Variants in HDAC4 observed in about 807,000 individuals in gnomAD.
HDAC4 encodes histone deacetylase 4, also known as histone deacetylase A.
Under a neutral mutation model 135.1 loss-of-function variants are expected in HDAC4, and 16 were observed. The observed-to-expected ratio is 0.12, with a 90% CI of 0.08 to 0.18. The LOEUF (loss-of-function observed/expected upper bound fraction) is 0.18. Among genes scored for constraint, HDAC4 ranks in the 10% least tolerant of loss-of-function variants. The probability of loss-of-function intolerance (pLI) is 1.00; values close to 1 mark genes in which losing one functional copy is unlikely to be tolerated. For missense variants in HDAC4, 1,143 were observed against 1,511.8 expected (o/e 0.76, Z 4.05); for synonymous variants, 685 against 653.4 (o/e 1.05, Z -0.74).
intron 4 of HDAC4, among the ~76,000 whole-genome samples, chr2:239,185,491 C>T (rs924360430): frequency 5.9e-5 from 9 of 151,666 alleles, no homozygotes; most frequent in Non-Finnish European, 1.2e-4. Flanking sequence ...GCAGGGGGTG[C>T]CCCGTGTTTC....
At chr2:239,113,259 C>A (rs1289083820) in intron 13 of HDAC4, among the ~76,000 whole-genome samples, 2 of 151,388 alleles carry the variant, frequency 1.3e-5, no homozygotes, top group African/African-American at 4.8e-5. Flanking sequence ...CACACACACA[C>A]ACACAAAAGG....
At position 239,369,374 on chromosome 2, in the gene HDAC4, G is replaced by A. The variant is rs1016454194; in HGVS notation, c.-219-16456C>T. Among the ~76,000 whole-genome samples, 37 of 152,096 alleles carry A rather than the reference G, an allele frequency of 2.4e-4. 1 individual carries two copies. The highest frequency in any genetic ancestry group is 8.0e-4 in the African/African-American group (33 of 41,422). On this transcript the variant is annotated intron_variant, in intron 1 of 26. Transcript: ENST00000543185. ...CTGCCCGGCGGGGGGTGGGCAGCCCGGGAGCCACAGGGCTCCCCAGAGACA... is the reference window on the plus strand; with the variant it reads ...CTGCCCGGCGGGGGGTGGGCAGCCCAGGAGCCACAGGGCTCCCCAGAGACA...
At chr2:239,261,847 AC>A (rs999330040) in intron 2 of HDAC4, among the ~76,000 whole-genome samples, 5 of 151,688 alleles carry the variant, frequency 3.3e-5, no homozygotes, top group African/African-American at 1.2e-4. Flanking sequence ...CGGCAGGGAC[AC>A]CCCCCACCCG....
In HDAC4 at chr2:239,303,423, T is replaced by C. The variant is rs2052384882; in HGVS notation, c.22+49255A>G. ...TTCTGCAGTCGCCACCGAGCACTCGTGGTGTGGCCCACAGGGCATCCTGCG... is the reference window on the plus strand; with the variant it reads ...TTCTGCAGTCGCCACCGAGCACTCGCGGTGTGGCCCACAGGGCATCCTGCG... On this transcript the variant is annotated intron_variant, in intron 2 of 26. Transcript: ENST00000543185. The surrounding 1 kb of genome is among the most constrained non-coding windows in gnomAD (Gnocchi z 5.1). Among the ~76,000 whole-genome samples, 1 of 152,088 alleles carries C rather than the reference T, an allele frequency of 6.6e-6. No individual in the cohort carries two copies. Among genetic ancestry groups the C allele is most frequent in the Admixed American group, 6.5e-5 (1 of 15,278 alleles).
In HDAC4 at chr2:239,240,298, T is replaced by G. The variant is rs6761340; in HGVS notation, c.23-3634A>C. On this transcript the variant is annotated intron_variant, in intron 2 of 26. Transcript: ENST00000543185. This position sits in a 1 kb window ranked among gnomAD's most constrained non-coding sequence, Gnocchi z 4.5. Reference sequence around the variant, plus strand: ...CCAGGGTGAAATAGACAAGCTGCGGTACACAGCCAGCTGGAACGCATGACG... The same window carrying G: ...CCAGGGTGAAATAGACAAGCTGCGGGACACAGCCAGCTGGAACGCATGACG... Among the ~76,000 whole-genome samples the G allele has an allele frequency of 0.34, 52,129 of 152,146 alleles. 10,733 individuals are homozygous for G. Among genetic ancestry groups the G allele is most frequent in the African/African-American group, 0.55 (23,004 of 41,500 alleles).
intron 1 of HDAC4, among the ~76,000 whole-genome samples, chr2:239,369,814 C>T (rs983133776): frequency 3.9e-5 from 6 of 152,108 alleles, no homozygotes; most frequent in Admixed American, 2.6e-4. Context: ...TAGAAAACAA[C>T]GGAAATGAAG....
At chr2:239,179,127 G>A (rs537310486) in intron 4 of HDAC4, among the ~76,000 whole-genome samples, 4 of 152,134 alleles carry the variant, frequency 2.6e-5, no homozygotes, top group South Asian at 4.1e-4. Context: ...GCCACCGGAC[G>A]CCTGAGGCAT....
chr2:239,214,919 C>T (rs571139483), intron 3 of HDAC4, among the ~76,000 whole-genome samples: 1 of 152,226 alleles, frequency 6.6e-6, no homozygotes, highest in Non-Finnish European at 1.5e-5. Context: ...TAGGAGAGGC[C>T]GCGGGAGAAG....
At chr2:239,274,790 C>T (rs1039647699) in intron 2 of HDAC4, among the ~76,000 whole-genome samples, 6 of 152,184 alleles carry the variant, frequency 3.9e-5, no homozygotes, top group African/African-American at 1.2e-4. Flanking sequence ...GCTCAGAAGT[C>T]CCAGGTGGAT....
chr2:239,371,678 CGT>C (rs766326333), intron 1 of HDAC4, among the ~76,000 whole-genome samples: 12 of 152,172 alleles, frequency 7.9e-5, no homozygotes, highest in Admixed American at 1.3e-4. Context: ...CACACACACA[CGT>C]GTGTGGCAAC....
In HDAC4 at chr2:239,151,988, G is replaced by A. The variant is rs976994574; in HGVS notation, c.733+4664C>T. Among the ~76,000 whole-genome samples the A allele has an allele frequency of 2.0e-4, 25 of 127,102 alleles. 1 individual carries two copies. The highest frequency in any genetic ancestry group is 1.8e-5 in the Non-Finnish European group (1 of 54,522). 83.4% of individuals were successfully genotyped at this position (127,102 alleles called of 152,430 possible). ...AACGAACTGTGCTGGCTGGACAACAGTTAGTTAGTTGTTTTGGCCTCCTTT... is the reference window on the plus strand; with the variant it reads ...AACGAACTGTGCTGGCTGGACAACAATTAGTTAGTTGTTTTGGCCTCCTTT... On this transcript the variant is annotated intron_variant, in intron 7 of 26. Transcript: ENST00000543185.
intron 2 of HDAC4, among the ~76,000 whole-genome samples, chr2:239,337,749 C>T (rs529139646): frequency 2.6e-5 from 4 of 152,268 alleles, no homozygotes; most frequent in African/African-American, 7.2e-5. Context: ...CCTGGCTGTG[C>T]GTGACAAAGC....
At chr2:239,272,687 G>A (rs370828550) in intron 2 of HDAC4, among the ~76,000 whole-genome samples, 1 of 152,164 alleles carries the variant, frequency 6.6e-6, no homozygotes, top group African/African-American at 2.4e-5. Context: ...ACCCAGCATC[G>A]GAACCTCTCG....
Position 239,313,790 on chromosome 2 carries a change from G to A in HDAC4, c.22+38888C>T, listed in dbSNP as rs1249807289. On this transcript the variant is annotated intron_variant, in intron 2 of 26. Transcript: ENST00000543185. The surrounding 1 kb of genome is among the most constrained non-coding windows in gnomAD (Gnocchi z 5.1). The stretch of plus-strand genomic sequence containing the variant: ...TATACTCAGGGCTGAGTTGGCTGAA[G>A]AGTGAGGAATATACTCCAAAGACAG... Among the ~76,000 whole-genome samples the A allele has an allele frequency of 6.6e-6, 1 of 152,188 alleles. No individual in the cohort carries two copies. The highest frequency in any genetic ancestry group is 1.5e-5 in the Non-Finnish European group (1 of 68,038).
intron 17 of HDAC4, chr2:239,094,012 A>G (rs2036757867): frequency 1.0e-6 from 1 of 985,332 alleles, no homozygotes; most frequent in Non-Finnish European, 1.2e-6. Context: ...ACTCAGGAAG[A>G]AAACAATTTT....
At chr2:239,223,389 C>CT (rs1315843716) in intron 3 of HDAC4, among the ~76,000 whole-genome samples, 1 of 152,192 alleles carries the variant, frequency 6.6e-6, no homozygotes, top group Non-Finnish European at 1.5e-5. Context: ...CCGGCGTGGG[C>CT]TGCAGCATCT....
At chr2:239,295,572 A>T (rs918504476) in intron 2 of HDAC4, among the ~76,000 whole-genome samples, 2 of 152,194 alleles carry the variant, frequency 1.3e-5, no homozygotes, top group African/African-American at 4.8e-5. Flanking sequence ...ATCATTAGAA[A>T]GGAGAACAAT....
rs1693209573 is a variant in HDAC4 at position 239,352,098 on chromosome 2, G to A, written c.22+580C>T. 6.6e-6 allele frequency among the ~76,000 whole-genome samples: 1 copy of A among 152,166 alleles called. No individual in the cohort carries two copies. The highest frequency in any genetic ancestry group is 2.4e-5 in the African/African-American group (1 of 41,448). ...GACAAGCTTGCTTCCCAATCATGTG[G>A]GTCCCCCACCTACCAGCTCTGTGAC... is the stretch of plus-strand genomic sequence containing the variant. On this transcript the variant is annotated intron_variant, in intron 2 of 26. Coordinates refer to ENST00000543185, the MANE Select transcript of HDAC4 (RefSeq NM_001378414.1). This position sits in a 1 kb window ranked among gnomAD's most constrained non-coding sequence, Gnocchi z 4.4.
chr2:239,145,864 T>C (rs765121341), intron 7 of HDAC4, among the ~76,000 whole-genome samples: 9 of 152,202 alleles, frequency 5.9e-5, no homozygotes, highest in Admixed American at 1.3e-4. Context: ...CTTCACTCTT[T>C]GGGACGTGCA....
Sources: gnomAD v4.1 joint callset for allele counts (sites outside exome capture counted in the v4.1 genomes callset) on GRCh38, gnomAD v4.1.1 for gene constraint, Gnocchi (gnomAD v3.1) non-coding constraint, MANE v1.5 for transcripts, NCBI Gene and HGNC (gene_info 2026-07-23, HGNC 2026-07-21) for gene names.